Variants in STAG1 observed in about 807,000 individuals in gnomAD.
The protein encoded by STAG1 is cohesin subunit SA-1.
Under a neutral mutation model 170.9 loss-of-function variants are expected in STAG1, and 26 were observed. That is an observed-to-expected ratio of 0.15 (90% confidence interval 0.11 to 0.21). The LOEUF is 0.21. Ranked by LOEUF, STAG1 falls within the 10% of genes least tolerant of loss-of-function variation. STAG1 has a pLI of 1.00. For synonymous variants in STAG1, 514 were observed against 497.7 expected (o/e 1.03, Z -0.44); for missense variants, 964 against 1,509.5 (o/e 0.64, Z 5.99).
chr3:136,681,171 T>C (rs992172826), intron 1 of STAG1, among the ~76,000 whole-genome samples: 21 of 152,274 alleles, frequency 1.4e-4, no homozygotes, highest in East Asian at 3.9e-4. Context: ...TCCACAGATA[T>C]AGAACCCATG....
At chr3:136,595,810 A>C (rs1181464391) in intron 4 of STAG1, among the ~76,000 whole-genome samples, 1 of 151,848 alleles carries the variant, frequency 6.6e-6, no homozygotes, top group Non-Finnish European at 1.5e-5. Flanking sequence ...CTGCCCACCA[A>C]ATCATCATCT....
chr3:136,347,869 G>A (rs1251161182), intron 29 of STAG1, among the ~76,000 whole-genome samples: 1 of 152,184 alleles, frequency 6.6e-6, no homozygotes, highest in Non-Finnish European at 1.5e-5. Flanking sequence ...TTCATTTGAT[G>A]AATGATTTAA....
intron 1 of STAG1, among the ~76,000 whole-genome samples, chr3:136,673,586 T>C (rs1942040195): frequency 1.3e-5 from 2 of 152,298 alleles, no homozygotes; most frequent in African/African-American, 2.4e-5. Context: ...GTTGTATGTA[T>C]GTACATGCCA....
chr3:136,471,785 T>C (rs1458049376), intron 12 of STAG1, among the ~76,000 whole-genome samples: 1 of 152,210 alleles, frequency 6.6e-6, no homozygotes, highest in Non-Finnish European at 1.5e-5. Flanking sequence ...AGAAGCCTAT[T>C]TGGGAAACTG....
intron 13 of STAG1, among the ~76,000 whole-genome samples, chr3:136,459,927 A>G (rs991751409): frequency 3.3e-5 from 5 of 152,166 alleles, no homozygotes; most frequent in African/African-American, 1.2e-4. Flanking sequence ...ACAGACAACA[A>G]TAATGAAAGG....
At chr3:136,423,850 A>G (rs368371143) in intron 16 of STAG1, among the ~76,000 whole-genome samples, 32 of 151,890 alleles carry the variant, frequency 2.1e-4, no homozygotes, top group East Asian at 1.4e-3. Flanking sequence ...TTGATTGTTC[A>G]GTCTTTTTTT....
Position 136,647,704 on chromosome 3 carries a change from C to T in STAG1, c.-83-16723G>A, listed in dbSNP as rs529608370. On this transcript the variant is annotated intron_variant, in intron 1 of 33. Coordinates refer to ENST00000383202, the MANE Select transcript of STAG1 (RefSeq NM_005862.3). Reference sequence around the variant, plus strand: ...CTCTTTTGCTAAGTCTACAAACCACCCAACTATCCCTTATCACTTAAAACA... The same window carrying T: ...CTCTTTTGCTAAGTCTACAAACCACTCAACTATCCCTTATCACTTAAAACA... Among the ~76,000 whole-genome samples, 4 of 152,310 alleles carry T rather than the reference C, an allele frequency of 2.6e-5. No homozygotes were observed. The East Asian group carries it at 7.7e-4, about 29-fold the overall frequency.
intron 3 of STAG1, among the ~76,000 whole-genome samples, chr3:136,619,621 G>C (rs1440902340): frequency 6.6e-6 from 1 of 151,820 alleles, no homozygotes; most frequent in Non-Finnish European, 1.5e-5. Flanking sequence ...GCCAGGTGTG[G>C]TGGCGCATGC....
chr3:136,501,979 C>G (rs1219195964), intron 8 of STAG1, among the ~76,000 whole-genome samples: 1 of 151,908 alleles, frequency 6.6e-6, no homozygotes, highest in East Asian at 1.9e-4. Context: ...GTTGGGAGTT[C>G]GAGACCAGCC....
intron 1 of STAG1, among the ~76,000 whole-genome samples, chr3:136,740,729 C>G (rs1934622673): frequency 6.6e-6 from 1 of 152,148 alleles, no homozygotes; most frequent in South Asian, 2.1e-4. Flanking sequence ...GATCGCCCGC[C>G]CCAGCCTCCA....
At chr3:136,661,588 T>C (rs1189282349) in intron 1 of STAG1, among the ~76,000 whole-genome samples, 2 of 152,182 alleles carry the variant, frequency 1.3e-5, no homozygotes, top group East Asian at 3.8e-4. Flanking sequence ...AGATATCTCA[T>C]TATGTATATG....
At chr3:136,633,752 G>T (rs1282846777) in intron 1 of STAG1, among the ~76,000 whole-genome samples, 1 of 144,486 alleles carries the variant, frequency 6.9e-6, no homozygotes, top group Non-Finnish European at 1.5e-5. Flanking sequence ...ATAGGCCGAG[G>T]CAAGAGGATC....
intron 21 of STAG1, among the ~76,000 whole-genome samples, chr3:136,402,884 C>A (rs1003724023): frequency 2.0e-5 from 3 of 151,706 alleles, no homozygotes; most frequent in Non-Finnish European, 4.4e-5. Context: ...AAGATACTTC[C>A]AATGTGCCTA....
intron 4 of STAG1, among the ~76,000 whole-genome samples, chr3:136,585,102 CA>C (rs1937742877): frequency 6.6e-6 from 1 of 152,140 alleles, no homozygotes; most frequent in Admixed American, 6.5e-5. Context: ...ATGCCTTCAA[CA>C]ATTATTTTAC....
intron 16 of STAG1, 36 bp from the exon 17 acceptor site, chr3:136,423,080 G>T (rs747125268): frequency 3.5e-6 from 5 of 1,419,120 alleles, no homozygotes; most frequent in Non-Finnish European, 4.8e-6. Flanking sequence ...AGAGTATTGT[G>T]TTAAATTATA....
intron 6 of STAG1, among the ~76,000 whole-genome samples, chr3:136,523,075 T>C (rs1934774520): frequency 6.6e-6 from 1 of 152,228 alleles, no homozygotes; most frequent in South Asian, 2.1e-4. Flanking sequence ...ATCCTTTGGA[T>C]AGATACCCAG....
chr3:136,512,426 T>C (rs143472240), intron 7 of STAG1, among the ~76,000 whole-genome samples: 56 of 152,236 alleles, frequency 3.7e-4, no homozygotes, highest in African/African-American at 1.3e-3. Flanking sequence ...TATCTCAAAG[T>C]CTGTATAATA....
intron 1 of STAG1, among the ~76,000 whole-genome samples, chr3:136,713,751 T>C (rs572245029): frequency 6.2e-4 from 94 of 151,290 alleles, no homozygotes; most frequent in African/African-American, 2.2e-3. Context: ...GGCTGGGCGC[T>C]GTGGCTCAAG....
chr3:136,410,098 A>G (rs2107710291), intron 21 of STAG1, among the ~76,000 whole-genome samples: 1 of 150,982 alleles, frequency 6.6e-6, no homozygotes, highest in Admixed American at 6.6e-5. Flanking sequence ...AAAGATAAAT[A>G]CAAAAAATAA....
Sources: gnomAD v4.1 joint callset for allele counts (sites outside exome capture counted in the v4.1 genomes callset) on GRCh38, gnomAD v4.1.1 for gene constraint, MANE v1.5 for transcripts, NCBI Gene and HGNC (gene_info 2026-07-23, HGNC 2026-07-21) for gene names.